The following FSTL4 variants were observed in gnomAD, a reference collection of about 807,000 sequenced individuals.
FSTL4 encodes the protein follistatin-related protein 4.
Under a neutral mutation model 78.2 loss-of-function variants are expected in FSTL4, and 28 were observed. The observed-to-expected ratio is 0.36, with a 90% CI of 0.27 to 0.49. FSTL4 has a LOEUF of 0.49. Among genes scored for constraint, FSTL4 ranks in the 20% least tolerant of loss-of-function variants. FSTL4 has a pLI of 0.98. For synonymous variants in FSTL4, 422 were observed against 440.5 expected, an observed-to-expected ratio of 0.96 and a Z score of 0.53; for missense variants, 922 against 1,084.9, an observed-to-expected ratio of 0.85 and a Z score of 2.11.
At position 133,367,601 on chromosome 5, in the gene FSTL4, G is replaced by A. The variant is rs1755206266; in HGVS notation, c.409+33137C>T. Among the ~76,000 whole-genome samples, 5 of 152,278 alleles carry A rather than the reference G, an allele frequency of 3.3e-5. No homozygotes were observed. In the South Asian group the frequency reaches 1.0e-3, roughly 32 times the overall value. On this transcript the variant is annotated intron_variant, in intron 4 of 15. Transcript: ENST00000265342. The stretch of plus-strand genomic sequence containing the variant: ...TCGCTCCAGATCTTGGTCGGCAGCA[G>A]GCAGAACCATTTGAACAGCTGCAGC...
At chr5:133,212,158 C>T (rs1321139517) in intron 13 of FSTL4, among the ~76,000 whole-genome samples, 1 of 152,186 alleles carries the variant, frequency 6.6e-6, no homozygotes, top group African/African-American at 2.4e-5. Context: ...AGCTTCCTAA[C>T]CCATCAGTAA....
the FSTL4 span, among the ~76,000 whole-genome samples, chr5:133,705,636 C>T: frequency 6.6e-6 from 1 of 152,142 alleles, no homozygotes; most frequent in Non-Finnish European, 1.5e-5. Flanking sequence ...GGGGATTCAT[C>T]AGGGACAACC....
Position 133,197,359 on chromosome 5 carries a change from G to T in FSTL4, c.*1736C>A, listed in dbSNP as rs1750174448. On this transcript the variant is annotated 3_prime_UTR_variant, in exon 16 of 16. Coordinates refer to ENST00000265342, the MANE Select transcript of FSTL4 (RefSeq NM_015082.2). ...TGAAACTGCATTCTAGGCTTTTGAG[G>T]TGAGCTTCCTCAACTTATATCTACA... The T allele has an allele frequency of 6.6e-6, 1 of 152,200 alleles. No individual in the cohort carries two copies. Among genetic ancestry groups the T allele is most frequent in the Non-Finnish European group, 1.5e-5 (1 of 68,044 alleles). 9.4% of individuals were successfully genotyped at this position (152,200 alleles called of 1,614,324 possible).
At chr5:133,720,044 T>G in the FSTL4 span, among the ~76,000 whole-genome samples, 1 of 152,216 alleles carries the variant, frequency 6.6e-6, no homozygotes, top group African/African-American at 2.4e-5. Context: ...AATTTAAGTT[T>G]AATGACCATA....
chr5:133,831,535 T>C, the FSTL4 span, among the ~76,000 whole-genome samples: 1 of 152,236 alleles, frequency 6.6e-6, no homozygotes, highest in Non-Finnish European at 1.5e-5. Context: ...TAAACGACTC[T>C]TATAGGACAT....
chr5:133,667,194 C>G, the FSTL4 span, among the ~76,000 whole-genome samples: 1 of 151,762 alleles, frequency 6.6e-6, no homozygotes, highest in Non-Finnish European at 1.5e-5. Flanking sequence ...ATTCTGCCCT[C>G]TCTCTCATAA....
chr5:133,816,997 C>G, the FSTL4 span, among the ~76,000 whole-genome samples: 2 of 152,354 alleles, frequency 1.3e-5, no homozygotes, highest in Admixed American at 1.3e-4. Context: ...TTGCTGCCCA[C>G]AGATACCCAG....
the FSTL4 span, among the ~76,000 whole-genome samples, chr5:133,636,625 T>C: frequency 6.6e-6 from 1 of 152,162 alleles, no homozygotes; most frequent in Non-Finnish European, 1.5e-5. Flanking sequence ...TAGGGGTTAC[T>C]ATGAGGATTA....
the FSTL4 span, among the ~76,000 whole-genome samples, chr5:133,646,280 C>T: frequency 6.6e-6 from 1 of 152,150 alleles, no homozygotes; most frequent in African/African-American, 2.4e-5. Flanking sequence ...GGAAAAGTGT[C>T]AAGGCAAAGG....
At chr5:133,703,714 A>T in the FSTL4 span, among the ~76,000 whole-genome samples, 1 of 152,168 alleles carries the variant, frequency 6.6e-6, no homozygotes, top group Non-Finnish European at 1.5e-5. Flanking sequence ...AGATAATGAG[A>T]CGAGGCTCTG....
intron 6 of FSTL4, among the ~76,000 whole-genome samples, chr5:133,277,768 C>A (rs1581587872): frequency 2.0e-5 from 3 of 152,298 alleles, no homozygotes; most frequent in Admixed American, 2.0e-4. Flanking sequence ...CCTGGGCTTT[C>A]TTCCCCCACC....
At chr5:133,608,492 G>A (rs1183873842) in intron 1 of FSTL4, among the ~76,000 whole-genome samples, 1 of 152,218 alleles carries the variant, frequency 6.6e-6, no homozygotes, top group Admixed American at 6.5e-5. Context: ...CAAATCAGTG[G>A]CTAGGCCTAA....
intron 15 of FSTL4, 37 bp downstream of exon 15, chr5:133,201,896 C>A: frequency 8.3e-7 from 1 of 1,203,098 alleles, no homozygotes; most frequent in South Asian, 1.4e-5. Flanking sequence ...TGAGCTGGAG[C>A]GGGGAGTGCC....
chr5:133,655,156 C>G, the FSTL4 span, among the ~76,000 whole-genome samples: 7 of 152,230 alleles, frequency 4.6e-5, no homozygotes, highest in African/African-American at 1.7e-4. Context: ...TAGTCTGGAA[C>G]CAGGCTCTAG....
At chr5:133,678,720 G>A in the FSTL4 span, among the ~76,000 whole-genome samples, 4 of 152,172 alleles carry the variant, frequency 2.6e-5, no homozygotes, top group Non-Finnish European at 5.9e-5. Context: ...TTACAAATAT[G>A]AGAATCATTG....
In FSTL4 at chr5:133,513,689, A is replaced by C. The variant is rs556523411; in HGVS notation, c.160+53497T>G. Among the ~76,000 whole-genome samples, 3 of 152,318 alleles carry C rather than the reference A, an allele frequency of 2.0e-5. No individual in the cohort carries two copies. In the South Asian group the frequency reaches 6.2e-4, roughly 32 times the overall value. On this transcript the variant is annotated intron_variant, in intron 3 of 15. Transcript: ENST00000265342. ...GGTCAGCAGTGACTGGGAATGGATC[A>C]CTTCTTTTTCAGTGGTAAGTACACG... is the stretch of plus-strand genomic sequence containing the variant.
At chr5:133,688,400 G>C in the FSTL4 span, among the ~76,000 whole-genome samples, 1 of 152,020 alleles carries the variant, frequency 6.6e-6, no homozygotes, top group Non-Finnish European at 1.5e-5. Context: ...GTGACAGAAC[G>C]AGACTCCGTC....
the FSTL4 span, among the ~76,000 whole-genome samples, chr5:133,807,171 T>TA: frequency 6.6e-6 from 1 of 152,154 alleles, no homozygotes; most frequent in East Asian, 1.9e-4. Context: ...AGGAAGAAAA[T>TA]ATACATCTCT....
chr5:133,206,182 C>CA (rs5871476), intron 14 of FSTL4, among the ~76,000 whole-genome samples: 43,660 of 151,908 alleles, frequency 0.29, 6,636 homozygotes, highest in East Asian at 0.43. Context: ...GAGGACTTGA[C>CA]AAAACTCAGC....
Sources: allele counts gnomAD v4.1 joint callset (sites outside exome capture counted in the v4.1 genomes callset), GRCh38; gene constraint gnomAD v4.1.1; transcripts MANE v1.5; gene names NCBI Gene and HGNC (gene_info 2026-07-23, HGNC 2026-07-21).